Variants in ROBO1 observed in about 807,000 individuals in gnomAD.
ROBO1 encodes the protein roundabout guidance receptor 1, also known as roundabout homolog 1.
Under a neutral mutation model 195.9 loss-of-function variants are expected in ROBO1, and 149 were observed. The ratio of observed to expected loss-of-function variants is 0.76; its 90% CI spans 0.67 to 0.87. The LOEUF (loss-of-function observed/expected upper bound fraction) is 0.87, where lower values mean the gene tolerates loss of function less well. Among genes scored for constraint, ROBO1 ranks in the 40% least tolerant of loss-of-function variants. The pLI, the probability that ROBO1 is intolerant of heterozygous loss-of-function variation, is 0.00. For missense variants in ROBO1, 1,933 were observed against 2,068.3 expected, an observed-to-expected ratio of 0.93 and a Z score of 1.27; for synonymous variants, 816 against 733.2, an observed-to-expected ratio of 1.11 and a Z score of -1.82.
intron 5 of ROBO1, among the ~76,000 whole-genome samples, chr3:78,744,777 A>T (rs1433442504): frequency 6.6e-6 from 1 of 152,100 alleles, no homozygotes; most frequent in African/African-American, 2.4e-5. Flanking sequence ...ACCCTAATGA[A>T]TTCATCTACC....
chr3:78,807,973 T>C (rs1304124874), intron 4 of ROBO1, among the ~76,000 whole-genome samples: 3 of 152,296 alleles, frequency 2.0e-5, no homozygotes, highest in East Asian at 1.9e-4. Flanking sequence ...ATAACAGTGA[T>C]AGAAAAGCAA....
At position 78,665,953 on chromosome 3, in the gene ROBO1, C is replaced by G. The variant is rs112874951; in HGVS notation, c.1966+1930G>C. Among the ~76,000 whole-genome samples the G allele has an allele frequency of 8.4e-3, 1,282 of 151,956 alleles. 11 individuals carry two copies. Among genetic ancestry groups the G allele is most frequent in the Non-Finnish European group, 0.011 (743 of 67,970 alleles). ...GTCCTCACCCAAATCTCATCTTGAA[C>G]TGTAGTTCTCCTAATCCCCATGTGT... is the stretch of plus-strand genomic sequence containing the variant. On this transcript the variant is annotated intron_variant, in intron 14 of 30. Transcript: ENST00000464233.
chr3:78,626,100 GA>G (rs1292978104), intron 26 of ROBO1, among the ~76,000 whole-genome samples: 2 of 151,984 alleles, frequency 1.3e-5, no homozygotes, highest in Non-Finnish European at 2.9e-5. Context: ...CCTGAGAATA[GA>G]GACAGGAATG....
chr3:79,126,803 G>A (rs139837010), intron 2 of ROBO1, among the ~76,000 whole-genome samples: 3 of 152,134 alleles, frequency 2.0e-5, no homozygotes, highest in East Asian at 3.9e-4. Flanking sequence ...CATTAATTTT[G>A]TGTCTCCACT....
Position 78,964,847 on chromosome 3 carries a change from C to CT in ROBO1, c.173-25921dup, listed in dbSNP as rs1181378568. 2.5e-3 allele frequency among the ~76,000 whole-genome samples: 350 copies of CT among 142,198 alleles called. 2 individuals carry two copies. The highest frequency in any genetic ancestry group is 4.1e-3 in the South Asian group (18 of 4,428). The allele number at this position is 142,198 out of a possible 152,430, so 93.3% of individuals were successfully genotyped here. On this transcript the variant is annotated intron_variant, in intron 3 of 30. Coordinates refer to ENST00000464233, the MANE Select transcript of ROBO1 (RefSeq NM_002941.4). ...TTTAAACCTGTGTTTCATTTGAAAC[C>CT]TTTTTTTTTTTATTTTTGTAGAGAC...
chr3:79,000,080 A>AGACT (rs1490685037), intron 3 of ROBO1, among the ~76,000 whole-genome samples: 1 of 152,034 alleles, frequency 6.6e-6, no homozygotes, highest in African/African-American at 2.4e-5. Context: ...GACCTACCTG[A>AGACT]GACTGGGTAA....
intron 2 of ROBO1, among the ~76,000 whole-genome samples, chr3:79,297,943 A>C (rs539320223): frequency 6.6e-6 from 1 of 152,010 alleles, no homozygotes; most frequent in Admixed American, 6.6e-5. Flanking sequence ...AAAGTGATAC[A>C]CTCTTTTGAA....
At chr3:79,719,783 T>G (rs1702626324) in intron 1 of ROBO1, among the ~76,000 whole-genome samples, 1 of 152,216 alleles carries the variant, frequency 6.6e-6, no homozygotes, top group Non-Finnish European at 1.5e-5. Context: ...GAATTTATAT[T>G]AATAAAACAA....
At chr3:79,450,316 C>G (rs553540205) in intron 2 of ROBO1, among the ~76,000 whole-genome samples, 1 of 124,918 alleles carries the variant, frequency 8.0e-6, no homozygotes, top group Non-Finnish European at 1.7e-5. Flanking sequence ...ATGGCAGAGA[C>G]AGACAGACAG....
chr3:78,982,260 A>G (rs186284705), intron 3 of ROBO1, among the ~76,000 whole-genome samples: 176 of 152,298 alleles, frequency 1.2e-3, no homozygotes, highest in African/African-American at 4.0e-3. Flanking sequence ...GGGGTATATA[A>G]GTACCTAAAT....
chr3:79,611,802 G>C (rs989384854), intron 1 of ROBO1, among the ~76,000 whole-genome samples: 1 of 151,940 alleles, frequency 6.6e-6, no homozygotes, highest in Non-Finnish European at 1.5e-5. Flanking sequence ...ATGGGTTGAG[G>C]GGTGCAGCAA....
At chr3:78,922,335 C>T (rs563437314) in intron 4 of ROBO1, among the ~76,000 whole-genome samples, 1 of 151,908 alleles carries the variant, frequency 6.6e-6, no homozygotes, top group African/African-American at 2.4e-5. Context: ...CAAAAATGAT[C>T]ATGGTCTACC....
At chr3:79,562,718 C>T (rs866287873) in intron 2 of ROBO1, among the ~76,000 whole-genome samples, 8 of 151,884 alleles carry the variant, frequency 5.3e-5, no homozygotes, top group South Asian at 4.1e-4. Context: ...TATTATTTTT[C>T]GTTATTTTTA....
chr3:78,674,385 C>G (rs1439454220), intron 10 of ROBO1, among the ~76,000 whole-genome samples: 1 of 152,188 alleles, frequency 6.6e-6, no homozygotes, highest in Non-Finnish European at 1.5e-5. Flanking sequence ...TGCCTACTAG[C>G]CATCCTCTGG....
intron 1 of ROBO1, among the ~76,000 whole-genome samples, chr3:79,653,259 A>T (rs1187171180): frequency 6.6e-6 from 1 of 151,904 alleles, no homozygotes; most frequent in Non-Finnish European, 1.5e-5. Context: ...TCATTTAATG[A>T]CAAATAATTT....
At chr3:79,415,702 A>G (rs773405287) in intron 2 of ROBO1, among the ~76,000 whole-genome samples, 18 of 152,320 alleles carry the variant, frequency 1.2e-4, no homozygotes, top group Non-Finnish European at 2.1e-4. Flanking sequence ...TAAGTTAGAA[A>G]GTGTCAAAGT....
intron 4 of ROBO1, among the ~76,000 whole-genome samples, chr3:78,881,501 C>G (rs1283013700): frequency 6.6e-6 from 1 of 152,282 alleles, no homozygotes; most frequent in East Asian, 1.9e-4. Flanking sequence ...AAGCATTTTT[C>G]TTTCATTGGC....
intron 2 of ROBO1, among the ~76,000 whole-genome samples, chr3:79,147,871 C>G (rs1559694297): frequency 1.3e-5 from 2 of 151,820 alleles, no homozygotes; most frequent in East Asian, 3.9e-4. Flanking sequence ...ATACGTAAAA[C>G]CAGATTTTAA....
chr3:79,182,568 T>TGTGTGTGTGC (rs1369326015), intron 2 of ROBO1, among the ~76,000 whole-genome samples: 2 of 151,614 alleles, frequency 1.3e-5, no homozygotes, highest in Admixed American at 6.6e-5. Flanking sequence ...TGTGTGTGTG[T>TGTGTGTGTGC]GTGCGTGCGT....
Sources: gnomAD v4.1 joint callset for allele counts (sites outside exome capture counted in the v4.1 genomes callset) on GRCh38, gnomAD v4.1.1 for gene constraint, MANE v1.5 for transcripts, NCBI Gene and HGNC (gene_info 2026-07-23, HGNC 2026-07-21) for gene names.